Variants in RABEPK observed in about 807,000 individuals in gnomAD.
RABEPK encodes the protein 40 kDa Rab9 effector protein.
RABEPK carries 27 observed loss-of-function variants against 34.1 expected under a neutral mutation model. The ratio of observed to expected loss-of-function variants is 0.79; its 90% CI spans 0.58 to 1.09. The LOEUF is 1.09. Among genes scored for constraint, RABEPK ranks in the 50% least tolerant of loss-of-function variants. RABEPK has a pLI of 0.00. For missense variants in RABEPK, 449 were observed against 462.6 expected, an observed-to-expected ratio of 0.97 and a Z score of 0.27; for synonymous variants, 172 against 169.2, an observed-to-expected ratio of 1.02 and a Z score of -0.13.
intron 4 of RABEPK, 57 bp from the exon 5 acceptor site, chr9:125,220,482 A>C: frequency 6.6e-7 from 1 of 1,518,904 alleles, no homozygotes; most frequent in South Asian, 1.2e-5. Context: ...CCCCAGAGTC[A>C]AGGTCAGAAG....
chr9:125,207,767 G>A, intron 3 of RABEPK, 46 bp downstream of exon 3: 1 of 1,603,686 alleles, frequency 6.2e-7, no homozygotes, highest in Non-Finnish European at 8.5e-7. Flanking sequence ...CCAGAGAACA[G>A]GGCTGTGTGC....
Position 125,220,535 on chromosome 9 carries a change from C to T in RABEPK, c.365-4C>T, listed in dbSNP as rs1225340535. Reference sequence around the variant, plus strand: ...TTTAAGTGCCTGCATTCTCTCTGGCCCAGAAACCAGGACGTGGACCACGCC... The same window carrying T: ...TTTAAGTGCCTGCATTCTCTCTGGCTCAGAAACCAGGACGTGGACCACGCC... On this transcript the variant is annotated splice_polypyrimidine_tract_variant and splice_region_variant and intron_variant, in intron 4 of 7. Transcript: ENST00000373538. 1 of 1,612,068 alleles carries T rather than the reference C, an allele frequency of 6.2e-7. No homozygotes were observed. Among genetic ancestry groups the T allele is most frequent in the East Asian group, 2.2e-5 (1 of 44,772 alleles).
intron 3 of RABEPK, among the ~76,000 whole-genome samples, chr9:125,210,792 G>GT (rs1217654467): frequency 1.3e-5 from 2 of 150,376 alleles, no homozygotes; most frequent in Non-Finnish European, 3.0e-5. Context: ...ACCCACTTAC[G>GT]TATTTTGTTA....
At chr9:125,215,344 C>T (rs1238509993) in intron 4 of RABEPK, among the ~76,000 whole-genome samples, 2 of 149,732 alleles carry the variant, frequency 1.3e-5, no homozygotes, top group African/African-American at 4.9e-5. Context: ...GGGTCTCACT[C>T]TGTTGCCCAG....
At chr9:125,202,919 A>T (rs1017153290) in intron 1 of RABEPK, 89 bp from the exon 2 acceptor site, 5 of 949,016 alleles carry the variant, frequency 5.3e-6, no homozygotes, top group Non-Finnish European at 8.3e-6. Flanking sequence ...AAATTAGTAC[A>T]TTCAACAGGA....
At chr9:125,219,783 C>G (rs1256187027) in intron 4 of RABEPK, among the ~76,000 whole-genome samples, 2 of 152,086 alleles carry the variant, frequency 1.3e-5, no homozygotes, top group Non-Finnish European at 1.5e-5. Context: ...CCTCCTACCT[C>G]GATTTCCCAA....
intron 4 of RABEPK, among the ~76,000 whole-genome samples, chr9:125,216,282 T>A (rs919518908): frequency 1.3e-5 from 2 of 152,106 alleles, no homozygotes; most frequent in African/African-American, 4.8e-5. Flanking sequence ...AGACTCTCTC[T>A]CAAAAAAGCA....
intron 6 of RABEPK, among the ~76,000 whole-genome samples, chr9:125,229,210 T>C (rs892670891): frequency 6.6e-6 from 1 of 151,058 alleles, no homozygotes. Flanking sequence ...TCCAAGATCA[T>C]GCCACTGCAC....
At position 125,227,171 on chromosome 9, in the gene RABEPK, AAATAAT is replaced by A. The variant is rs910199382; in HGVS notation, c.527-726_527-721del. Among the ~76,000 whole-genome samples the A allele has an allele frequency of 4.0e-5, 6 of 151,778 alleles. No homozygotes were observed. In the East Asian group the frequency reaches 5.8e-4, roughly 15 times the overall value. On this transcript the variant is annotated intron_variant, in intron 5 of 7. Coordinates refer to ENST00000373538, the MANE Select transcript of RABEPK (RefSeq NM_005833.4). ...GGCGACAAGACCGAAACTTTGTCTC[AAATAAT>A]AATAATAATAATGATAATAATAATA...
At chr9:125,205,346 G>A (rs1830158712) in intron 2 of RABEPK, among the ~76,000 whole-genome samples, 1 of 152,180 alleles carries the variant, frequency 6.6e-6, no homozygotes, top group East Asian at 1.9e-4. Flanking sequence ...GTCTGTAAGG[G>A]CTATCAAGGC....
rs551061616 is a variant in RABEPK at position 125,218,212 on chromosome 9, C to T, written c.365-2327C>T. Among the ~76,000 whole-genome samples the T allele has an allele frequency of 5.3e-5, 8 of 149,858 alleles. No individual in the cohort carries two copies. The South Asian group carries it at 1.1e-3, about 20-fold the overall frequency. ...GCGGATGCCTGTAGTCCCAGCTGCT[C>T]GGGAGGCTGAAGCAGGAGAATGGCG... On this transcript the variant is annotated intron_variant, in intron 4 of 7. Transcript: ENST00000373538.
At chr9:125,216,316 CAT>C (rs887930746) in intron 4 of RABEPK, among the ~76,000 whole-genome samples, 10 of 152,032 alleles carry the variant, frequency 6.6e-5, no homozygotes, top group African/African-American at 2.2e-4. Flanking sequence ...ACATTTTTCA[CAT>C]GTCAGCCAAC....
At chr9:125,218,562 A>G (rs1474940859) in intron 4 of RABEPK, among the ~76,000 whole-genome samples, 2 of 151,996 alleles carry the variant, frequency 1.3e-5, no homozygotes, top group Non-Finnish European at 2.9e-5. Flanking sequence ...TATAAAACCC[A>G]GGTTCATCCT....
At chr9:125,226,692 C>T (rs377545604) in intron 5 of RABEPK, among the ~76,000 whole-genome samples, 10 of 151,654 alleles carry the variant, frequency 6.6e-5, no homozygotes, top group South Asian at 4.2e-4. Context: ...GGTGATACCG[C>T]GTCTCAATTA....
At chr9:125,221,457 ATTGCACTCCAGCC>A (rs1394910001) in intron 5 of RABEPK, 1 of 151,850 alleles carries the variant, frequency 6.6e-6, no homozygotes, top group Non-Finnish European at 1.5e-5. Context: ...AGATCGTGCC[ATTGCACTCCAGCC>A]TTGGCAACAG....
At chr9:125,228,328 T>C (rs1391420278) in intron 6 of RABEPK, among the ~76,000 whole-genome samples, 1 of 152,052 alleles carries the variant, frequency 6.6e-6, no homozygotes, top group Non-Finnish European at 1.5e-5. Context: ...CAAACTTCTG[T>C]GCTCAAGTGA....
chr9:125,220,291 A>G (rs1831232005), intron 4 of RABEPK: 5 of 1,401,788 alleles, frequency 3.6e-6, no homozygotes, highest in South Asian at 3.6e-5. Flanking sequence ...CATGAGCCAC[A>G]CTGCACCCAG....
At chr9:125,209,901 G>A (rs186139138) in intron 3 of RABEPK, among the ~76,000 whole-genome samples, 4 of 152,168 alleles carry the variant, frequency 2.6e-5, no homozygotes, top group African/African-American at 4.8e-5. Flanking sequence ...CTGTATGTCC[G>A]TAGTCTCATG....
At chr9:125,213,991 G>A (rs1830752699) in intron 4 of RABEPK, among the ~76,000 whole-genome samples, 1 of 151,054 alleles carries the variant, frequency 6.6e-6, no homozygotes, top group Admixed American at 6.6e-5. Context: ...GTGTAGTGGT[G>A]GGCGCCTATA....
Sources: gnomAD v4.1 joint callset for allele counts (sites outside exome capture counted in the v4.1 genomes callset) on GRCh38, gnomAD v4.1.1 for gene constraint, MANE v1.5 for transcripts, NCBI Gene and HGNC (gene_info 2026-07-23, HGNC 2026-07-21) for gene names.